CCSER1: variants seen among roughly 807,000 people sequenced by gnomAD.
CCSER1 encodes serine-rich coiled-coil domain-containing protein 1.
In CCSER1, 41 loss-of-function variants were observed where a neutral mutation model predicts 82.0. The observed-to-expected ratio is 0.50, with a 90% confidence interval of 0.39 to 0.65. The LOEUF (loss-of-function observed/expected upper bound fraction) is 0.65, where lower values mean the gene tolerates loss of function less well. Among genes scored for constraint, CCSER1 ranks in the 30% least tolerant of loss-of-function variants. The pLI, the probability that CCSER1 is intolerant of heterozygous loss-of-function variation, is 0.00. For synonymous variants in CCSER1, 414 were observed against 383.9 expected (o/e 1.08, Z -0.92); for missense variants, 1,119 against 1,064.2 (o/e 1.05, Z -0.72).
At chr4:90,874,539 TTCCC>T (rs894569043) in intron 8 of CCSER1, among the ~76,000 whole-genome samples, 5 of 152,166 alleles carry the variant, frequency 3.3e-5, no homozygotes, top group Non-Finnish European at 7.4e-5. Context: ...GCTGCTGTTT[TTCCC>T]TCCCTCCCAA....
At chr4:90,783,426 C>A (rs1047356931) in intron 7 of CCSER1, among the ~76,000 whole-genome samples, 2 of 152,060 alleles carry the variant, frequency 1.3e-5, no homozygotes, top group Admixed American at 1.3e-4. Flanking sequence ...ATGGTAATTC[C>A]GATGAAGATC....
chr4:91,248,768 TTAA>T (rs910422712), intron 10 of CCSER1, among the ~76,000 whole-genome samples: 1 of 147,318 alleles, frequency 6.8e-6, no homozygotes, highest in Non-Finnish European at 1.5e-5. Flanking sequence ...TCGACTTTAG[TTAA>T]TAATGTATCA....
At chr4:90,467,213 C>T (rs1017865201) in intron 4 of CCSER1, among the ~76,000 whole-genome samples, 3 of 151,972 alleles carry the variant, frequency 2.0e-5, no homozygotes, top group African/African-American at 2.4e-5. Context: ...GGTGAAACCC[C>T]GTCTCTACTA....
At chr4:91,218,166 G>A (rs1737435284) in intron 10 of CCSER1, among the ~76,000 whole-genome samples, 1 of 152,188 alleles carries the variant, frequency 6.6e-6, no homozygotes, top group South Asian at 2.1e-4. Context: ...ACGGTGGGCC[G>A]GCACTGCTGG....
chr4:90,995,010 C>A (rs1268259350), intron 9 of CCSER1, among the ~76,000 whole-genome samples: 1 of 152,148 alleles, frequency 6.6e-6, no homozygotes, highest in Non-Finnish European at 1.5e-5. Context: ...GAGCATCTGA[C>A]ATGCTTTCCA....
chr4:90,754,820 A>G (rs535886731), intron 7 of CCSER1, among the ~76,000 whole-genome samples: 2 of 152,156 alleles, frequency 1.3e-5, no homozygotes, highest in East Asian at 1.9e-4. Context: ...CTTAAACCCT[A>G]TTGAATTTAA....
At chr4:90,452,114 G>C (rs1352568653) in intron 4 of CCSER1, among the ~76,000 whole-genome samples, 1 of 152,088 alleles carries the variant, frequency 6.6e-6, no homozygotes, top group Non-Finnish European at 1.5e-5. Context: ...ACATCATTCA[G>C]GGTGACTATT....
intron 1 of CCSER1, among the ~76,000 whole-genome samples, chr4:90,184,064 C>T (rs913946429): frequency 2.6e-5 from 4 of 152,040 alleles, no homozygotes; most frequent in African/African-American, 9.7e-5. Flanking sequence ...GTATCTAGCA[C>T]TAGTCTAGAA....
chr4:90,636,236 A>G (rs908065111), intron 6 of CCSER1, among the ~76,000 whole-genome samples: 11 of 151,962 alleles, frequency 7.2e-5, no homozygotes, highest in Admixed American at 5.9e-4. Context: ...AGCTTTCCAA[A>G]GTGACATAAG....
At chr4:91,409,250 A>T (rs1241122785) in intron 10 of CCSER1, among the ~76,000 whole-genome samples, 2 of 152,174 alleles carry the variant, frequency 1.3e-5, no homozygotes, top group Non-Finnish European at 2.9e-5. Flanking sequence ...TGATGCAGAC[A>T]TTTATTTGAA....
At chr4:90,460,961 G>A (rs1578582947) in intron 4 of CCSER1, among the ~76,000 whole-genome samples, 1 of 144,514 alleles carries the variant, frequency 6.9e-6, no homozygotes, top group Admixed American at 7.1e-5. Flanking sequence ...CAAATAATAA[G>A]AAGCCCTCAC....
chr4:90,845,585 G>T (rs1236238131), intron 8 of CCSER1, among the ~76,000 whole-genome samples: 1 of 152,074 alleles, frequency 6.6e-6, no homozygotes, highest in Non-Finnish European at 1.5e-5. Context: ...GCTTGCATAT[G>T]ACAGAGGAAC....
chr4:91,236,852 T>C (rs1440908032), intron 10 of CCSER1, among the ~76,000 whole-genome samples: 1 of 152,154 alleles, frequency 6.6e-6, no homozygotes, highest in Non-Finnish European at 1.5e-5. Flanking sequence ...AGAAGCTAGA[T>C]TGAAATCCAG....
intron 6 of CCSER1, among the ~76,000 whole-genome samples, chr4:90,653,270 TA>T (rs1487456566): frequency 6.6e-6 from 1 of 152,138 alleles, no homozygotes; most frequent in African/African-American, 2.4e-5. Context: ...CTCATTTTTA[TA>T]AAAAGTGTAT....
chr4:90,642,150 A>C (rs1726654753), intron 6 of CCSER1: 1 of 159,564 alleles, frequency 6.3e-6, no homozygotes, highest in African/African-American at 2.4e-5. Flanking sequence ...AGAATCACTT[A>C]AGCAAAGTGG....
intron 10 of CCSER1, among the ~76,000 whole-genome samples, chr4:91,520,734 CT>C (rs1429700265): frequency 6.6e-6 from 1 of 151,916 alleles, no homozygotes; most frequent in African/African-American, 2.4e-5. Context: ...CCTTAGTTTC[CT>C]TTTTTCTTTT....
At chr4:90,487,726 A>T (rs1002662473) in intron 5 of CCSER1, among the ~76,000 whole-genome samples, 2 of 152,194 alleles carry the variant, frequency 1.3e-5, no homozygotes, top group Non-Finnish European at 2.9e-5. Context: ...GCTCACTGCA[A>T]CCTGCGCCTC....
intron 9 of CCSER1, among the ~76,000 whole-genome samples, chr4:91,079,940 G>T (rs7666626): frequency 6.6e-6 from 1 of 151,812 alleles, no homozygotes; most frequent in African/African-American, 2.4e-5. Context: ...ACCTAAAAAG[G>T]GACTTAGACT....
chr4:91,182,961 G>T (rs904012793), intron 10 of CCSER1, among the ~76,000 whole-genome samples: 3 of 152,226 alleles, frequency 2.0e-5, no homozygotes, highest in Non-Finnish European at 4.4e-5. Context: ...CTGTATCTGT[G>T]TTTGAGACCA....
Sources: allele counts gnomAD v4.1 joint callset (sites outside exome capture counted in the v4.1 genomes callset), GRCh38; gene constraint gnomAD v4.1.1; transcripts MANE v1.5; gene names NCBI Gene and HGNC (gene_info 2026-07-23, HGNC 2026-07-21).